TRAPPC10: variants seen among roughly 807,000 people sequenced by gnomAD.
TRAPPC10 encodes trafficking protein particle complex subunit 10.
In TRAPPC10, 23 loss-of-function variants were observed where a neutral mutation model predicts 125.5. That is an observed-to-expected ratio of 0.18 (90% CI 0.13 to 0.26). The LOEUF (loss-of-function observed/expected upper bound fraction) is 0.26, where lower values mean the gene tolerates loss of function less well. Among genes scored for constraint, TRAPPC10 ranks in the 10% least tolerant of loss-of-function variants. The pLI is 1.00. For missense variants in TRAPPC10, 1,123 were observed against 1,308.4 expected (o/e 0.86, Z 2.19); for synonymous variants, 509 against 518.0 (o/e 0.98, Z 0.24).
chr21:44,065,880 G>A (rs1240648602), intron 7 of TRAPPC10, among the ~76,000 whole-genome samples: 3 of 152,114 alleles, frequency 2.0e-5, no homozygotes, highest in South Asian at 2.1e-4. Context: ...TAAATTTTTT[G>A]GTAGAGATGA....
chr21:44,091,562 C>T (rs1014678691), intron 18 of TRAPPC10, among the ~76,000 whole-genome samples: 4 of 152,168 alleles, frequency 2.6e-5, no homozygotes, highest in African/African-American at 9.7e-5. Context: ...GCCTCAGCCT[C>T]CCGAGCAGCT....
chr21:44,069,918 G>A (rs59675192), intron 7 of TRAPPC10, among the ~76,000 whole-genome samples: 31,769 of 151,636 alleles, frequency 0.21, 3,838 homozygotes, highest in African/African-American at 0.33. Context: ...TTCTGAGATG[G>A]AGTCTTGCTC....
rs569643226 is a variant in TRAPPC10, at chr21:44,025,466, G to A, written c.68-6625G>A. On this transcript the variant is annotated intron_variant, in intron 1 of 22. Coordinates refer to ENST00000291574, the MANE Select transcript of TRAPPC10 (RefSeq NM_003274.5). The stretch of plus-strand genomic sequence containing the variant: ...AAAAATGTATACACTGTTAAAGGCT[G>A]ATTCCTCAGTATTCTTATATTCAGA... Among the ~76,000 whole-genome samples the A allele has an allele frequency of 3.9e-5, 6 of 152,298 alleles. No homozygotes were observed. In the South Asian group the frequency reaches 1.0e-3, roughly 26 times the overall value.
In TRAPPC10 at chr21:44,095,855, G is replaced by A. The variant is rs116396205; in HGVS notation, c.3168+1622G>A. On this transcript the variant is annotated intron_variant, in intron 20 of 22. Transcript: ENST00000291574. ...AGTGCTGGGATAACAAGCATGAGCCGCCGTGCCTGGCCCAAAGTACGGGTT... is the reference window on the plus strand; with the variant it reads ...AGTGCTGGGATAACAAGCATGAGCCACCGTGCCTGGCCCAAAGTACGGGTT... Among the ~76,000 whole-genome samples, 773 of 151,958 alleles carry A rather than the reference G, an allele frequency of 5.1e-3. 4 individuals are homozygous for A. Among genetic ancestry groups the A allele is most frequent in the African/African-American group, 0.018 (744 of 41,432 alleles).
rs555407512 is a variant in TRAPPC10 at position 44,077,788 on chromosome 21, AT to A, written c.1469+6del. On this transcript the variant is annotated splice_donor_5th_base_variant and intron_variant, in intron 11 of 22. Transcript: ENST00000291574. ...AAGATCTGGCAGAGTTTTACATGTA[AT>A]TGATTTTGTACTTTTCTTTGAATTC... is the stretch of plus-strand genomic sequence containing the variant. The A allele has an allele frequency of 1.3e-3, 2,095 of 1,600,960 alleles. 14 individuals carry two copies. The highest frequency in any genetic ancestry group is 7.3e-4 in the Non-Finnish European group (859 of 1,169,580).
chr21:44,074,516 C>T (rs1029720085), intron 8 of TRAPPC10, 46 bp downstream of exon 8: 1 of 1,611,184 alleles, frequency 6.2e-7, no homozygotes, highest in African/African-American at 1.3e-5. Flanking sequence ...TCTCTGCGGC[C>T]ATGCCTGGGT....
At chr21:44,045,206 T>C (rs934828193) in intron 3 of TRAPPC10, among the ~76,000 whole-genome samples, 17 of 152,204 alleles carry the variant, frequency 1.1e-4, no homozygotes, top group African/African-American at 3.6e-4. Flanking sequence ...GTGCTTGGAT[T>C]ACAGGCGTGA....
intron 10 of TRAPPC10, among the ~76,000 whole-genome samples, chr21:44,077,281 T>C (rs2037358907): frequency 6.6e-6 from 1 of 152,224 alleles, no homozygotes; most frequent in Admixed American, 6.5e-5. Flanking sequence ...AAAAATAATG[T>C]TACATTATTA....
At chr21:44,014,507 G>C (rs1014643235) in intron 1 of TRAPPC10, among the ~76,000 whole-genome samples, 4 of 151,982 alleles carry the variant, frequency 2.6e-5, no homozygotes, top group Non-Finnish European at 5.9e-5. Context: ...CCGGGTTCAA[G>C]CGATTCTCCT....
chr21:44,046,774 CT>C (rs2145795498), intron 3 of TRAPPC10: 1 of 471,166 alleles, frequency 2.1e-6, no homozygotes, highest in South Asian at 2.3e-5. Context: ...TCCCAAAGTG[CT>C]GGGATTACAG....
At chr21:44,034,689 G>C (rs1439653507) in intron 2 of TRAPPC10, among the ~76,000 whole-genome samples, 1 of 152,228 alleles carries the variant, frequency 6.6e-6, no homozygotes, top group Non-Finnish European at 1.5e-5. Flanking sequence ...GGTCTTCGCA[G>C]ATATGGTTAA....
At chr21:44,079,092 G>T (rs1601778565) in intron 11 of TRAPPC10, among the ~76,000 whole-genome samples, 1 of 152,170 alleles carries the variant, frequency 6.6e-6, no homozygotes, top group South Asian at 2.1e-4. Context: ...CTTGCGCCCT[G>T]TAGACTGCTT....
chr21:44,041,720 T>C (rs2034437848), intron 3 of TRAPPC10, among the ~76,000 whole-genome samples: 1 of 152,070 alleles, frequency 6.6e-6, no homozygotes, highest in South Asian at 2.1e-4. Flanking sequence ...CCATCATTAT[T>C]TATTTATTAT....
intron 3 of TRAPPC10, among the ~76,000 whole-genome samples, chr21:44,049,177 G>C (rs1025901935): frequency 6.6e-6 from 1 of 152,108 alleles, no homozygotes; most frequent in Non-Finnish European, 1.5e-5. Context: ...ACACCCACAC[G>C]TGTACGTGCA....
chr21:44,033,173 C>G (rs1221697807), intron 2 of TRAPPC10, among the ~76,000 whole-genome samples: 1 of 152,096 alleles, frequency 6.6e-6, no homozygotes, highest in Non-Finnish European at 1.5e-5. Context: ...CATAGGTAAT[C>G]TGATTTTAAC....
At chr21:44,055,656 C>A in intron 4 of TRAPPC10, 42 bp from the exon 5 acceptor site, 1 of 1,507,588 alleles carries the variant, frequency 6.6e-7, no homozygotes, top group Non-Finnish European at 9.1e-7. Flanking sequence ...TGGTGCTGTG[C>A]ATGGAGGGTC....
At chr21:44,069,721 C>T (rs537175257) in intron 7 of TRAPPC10, among the ~76,000 whole-genome samples, 1 of 152,308 alleles carries the variant, frequency 6.6e-6, no homozygotes, top group South Asian at 2.1e-4. Flanking sequence ...ACCCGTGAGT[C>T]ATTGGAGCTG....
intron 20 of TRAPPC10, among the ~76,000 whole-genome samples, chr21:44,095,633 G>A (rs928827291): frequency 2.0e-5 from 3 of 151,916 alleles, no homozygotes; most frequent in South Asian, 2.1e-4. Flanking sequence ...GCGCGATCTC[G>A]GCTCACTGCA....
intron 14 of TRAPPC10, 47 bp downstream of exon 14, chr21:44,083,349 G>A (rs771430731): frequency 3.8e-6 from 6 of 1,582,370 alleles, no homozygotes; most frequent in Non-Finnish European, 5.2e-6. Flanking sequence ...GTAAAGCAGG[G>A]CCGTGGAGCT....
Sources: gnomAD v4.1 joint callset for allele counts (sites outside exome capture counted in the v4.1 genomes callset) on GRCh38, gnomAD v4.1.1 for gene constraint, MANE v1.5 for transcripts, NCBI Gene and HGNC (gene_info 2026-07-23, HGNC 2026-07-21) for gene names.